Variants in CELF2 observed in about 807,000 individuals in gnomAD.
CELF2 encodes the protein CUG triplet repeat RNA-binding protein 2.
CELF2 carries 8 observed loss-of-function variants against 62.6 expected under a neutral mutation model. The observed-to-expected ratio is 0.13, with a 90% CI of 0.07 to 0.23. The LOEUF is 0.23. CELF2 is among the 10% of genes least tolerant of loss of function. The probability of loss-of-function intolerance (pLI) is 1.00; values close to 1 mark genes in which losing one functional copy is unlikely to be tolerated. For synonymous variants in CELF2, 258 were observed against 250.0 expected (o/e 1.03, Z -0.30); for missense variants, 333 against 671.0 (o/e 0.50, Z 5.56).
At chr10:10,986,964 C>T (rs2052831792) in intron 2 of CELF2, among the ~76,000 whole-genome samples, 2 of 152,208 alleles carry the variant, frequency 1.3e-5, no homozygotes, top group African/African-American at 2.4e-5. Flanking sequence ...AATGTGCAGT[C>T]TGCTGTACAA....
At chr10:10,618,050 T>C in the CELF2 span, among the ~76,000 whole-genome samples, 2 of 151,994 alleles carry the variant, frequency 1.3e-5, no homozygotes, top group Non-Finnish European at 2.9e-5. Flanking sequence ...TGAGCAGCTC[T>C]CTCCACCCCC....
chr10:10,811,973 A>G (rs1387434062), intron 1 of CELF2, among the ~76,000 whole-genome samples: 1 of 152,084 alleles, frequency 6.6e-6, no homozygotes, highest in African/African-American at 2.4e-5. Context: ...TTTTGGCTAA[A>G]AGTCCCAGAA....
chr10:10,653,555 TA>T, the CELF2 span, among the ~76,000 whole-genome samples: 1 of 132,174 alleles, frequency 7.6e-6, no homozygotes, highest in South Asian at 3.3e-4. Flanking sequence ...AACTCAGGAT[TA>T]AGAATCTCAC....
rs1216390566 is a variant in CELF2 at position 11,039,119 on chromosome 10, C to T, written c.74+20956C>T. Among the ~76,000 whole-genome samples the T allele has an allele frequency of 6.6e-6, 1 of 152,218 alleles. No individual in the cohort carries two copies. The highest frequency in any genetic ancestry group is 1.5e-5 in the Non-Finnish European group (1 of 68,038). ...GGCATCGACCATGTAACGGCGATAA[C>T]AGCCGAGTCCTGTGTCAGCTCTCCT... On this transcript the variant is annotated intron_variant, in intron 1 of 12. Transcript: ENST00000633077. This position sits in a 1 kb window ranked among gnomAD's most constrained non-coding sequence, Gnocchi z 4.1.
the CELF2 span, among the ~76,000 whole-genome samples, chr10:10,512,768 G>T: frequency 6.6e-6 from 1 of 152,128 alleles, no homozygotes; most frequent in Non-Finnish European, 1.5e-5. Flanking sequence ...TGTTTGGTCA[G>T]TTCCTCCCCT....
chr10:11,180,717 C>G (rs61830862), intron 2 of CELF2, among the ~76,000 whole-genome samples: 5,943 of 152,256 alleles, frequency 0.039, 160 homozygotes, highest in South Asian at 0.089. Flanking sequence ...GTACTAAGGG[C>G]TGACTATACA....
intron 3 of CELF2, among the ~76,000 whole-genome samples, chr10:11,232,479 G>A (rs1181195892): frequency 6.6e-6 from 1 of 152,124 alleles, no homozygotes; most frequent in East Asian, 1.9e-4. Context: ...AGGACCAAGT[G>A]ATCACAATCA....
At chr10:11,000,320 A>C (rs1564338257) in intron 2 of CELF2, among the ~76,000 whole-genome samples, 1 of 152,126 alleles carries the variant, frequency 6.6e-6, no homozygotes. Context: ...CATTTACAGC[A>C]GAGAATCATG....
intron 1 of CELF2, among the ~76,000 whole-genome samples, chr10:10,873,068 C>T (rs1347870080): frequency 2.0e-5 from 3 of 152,086 alleles, no homozygotes; most frequent in African/African-American, 7.2e-5. Flanking sequence ...ATCCTTTTAT[C>T]GGCTTATGTA....
chr10:10,639,313 G>A, the CELF2 span, among the ~76,000 whole-genome samples: 2 of 152,138 alleles, frequency 1.3e-5, no homozygotes, highest in Admixed American at 6.5e-5. Context: ...TTCCAATCTG[G>A]ATTATGCTGC....
At position 11,293,147 on chromosome 10, in the gene CELF2, GC is replaced by G. The variant is rs2092736140; in HGVS notation, c.976+4597del. Among the ~76,000 whole-genome samples the G allele has an allele frequency of 2.0e-5, 3 of 152,198 alleles. No homozygotes were observed. In the South Asian group the frequency reaches 6.2e-4, roughly 32 times the overall value. On this transcript the variant is annotated intron_variant, in intron 9 of 12. Transcript: ENST00000633077. Reference sequence around the variant, plus strand: ...CCCCCGTAGCCCAGCCACGCCGTCGGCCTTTACGCCATTATTCTTGCAAGCT... The same window carrying G: ...CCCCCGTAGCCCAGCCACGCCGTCGGCTTTACGCCATTATTCTTGCAAGCT...
chr10:10,819,349 C>T (rs966315909), intron 1 of CELF2, among the ~76,000 whole-genome samples: 1 of 152,086 alleles, frequency 6.6e-6, no homozygotes, highest in African/African-American at 2.4e-5. Flanking sequence ...TCTGGGATAA[C>T]CCTATTTGAA....
intron 1 of CELF2, among the ~76,000 whole-genome samples, chr10:10,812,717 A>C (rs1270599641): frequency 2.6e-5 from 4 of 152,126 alleles, no homozygotes; most frequent in African/African-American, 9.7e-5. Context: ...CTTCTTCTGA[A>C]TGTTCATAAC....
intron 2 of CELF2, among the ~76,000 whole-genome samples, chr10:10,937,121 CTTTTTT>C (rs373143426): frequency 4.4e-5 from 4 of 90,534 alleles, no homozygotes; most frequent in African/African-American, 2.1e-4. Context: ...TTTTTCTTTT[CTTTTTT>C]TTTTTTTTTT....
intron 2 of CELF2, among the ~76,000 whole-genome samples, chr10:10,968,432 T>C (rs1323965896): frequency 6.6e-6 from 1 of 152,240 alleles, no homozygotes; most frequent in Non-Finnish European, 1.5e-5. Context: ...TTTTAAATTA[T>C]GTAAATAATT....
At chr10:11,193,268 C>T (rs2056514581) in intron 2 of CELF2, among the ~76,000 whole-genome samples, 2 of 152,148 alleles carry the variant, frequency 1.3e-5, no homozygotes, top group South Asian at 2.1e-4. Flanking sequence ...TGGAAAACCC[C>T]TAGGTGCCAA....
chr10:10,631,918 G>A, the CELF2 span, among the ~76,000 whole-genome samples: 1,165 of 152,228 alleles, frequency 7.7e-3, 9 homozygotes, highest in African/African-American at 0.026. Context: ...CAGCTGCAAG[G>A]CTACATTTTT....
chr10:10,886,171 T>C (rs530348814), intron 1 of CELF2, among the ~76,000 whole-genome samples: 4 of 152,276 alleles, frequency 2.6e-5, no homozygotes, highest in Admixed American at 2.6e-4. Context: ...CCTTCCTTTC[T>C]TCCTTCCTCT....
chr10:10,512,599 G>T, the CELF2 span, among the ~76,000 whole-genome samples: 1 of 151,882 alleles, frequency 6.6e-6, no homozygotes, highest in Admixed American at 6.6e-5. Flanking sequence ...ATTTTTAGTA[G>T]GGGTAGGGTT....
Sources: allele counts gnomAD v4.1 joint callset (sites outside exome capture counted in the v4.1 genomes callset), GRCh38; gene constraint gnomAD v4.1.1; non-coding constraint Gnocchi (gnomAD v3.1); transcripts MANE v1.5; gene names NCBI Gene and HGNC (gene_info 2026-07-23, HGNC 2026-07-21).